MRPS31: variants seen among roughly 807,000 people sequenced by gnomAD.
MRPS31 encodes the protein mitochondrial ribosomal protein S31.
A neutral mutation model predicts 43.1 loss-of-function variants in MRPS31; 32 were observed. The ratio of observed to expected loss-of-function variants is 0.74; its 90% CI spans 0.56 to 1.00. The LOEUF is 1.00. Among genes scored for constraint, MRPS31 ranks in the 50% least tolerant of loss-of-function variants. The probability of loss-of-function intolerance (pLI) is 0.00; values close to 1 mark genes in which losing one functional copy is unlikely to be tolerated. For synonymous variants in MRPS31, 165 were observed against 161.6 expected (o/e 1.02, Z -0.16); for missense variants, 437 against 466.7 (o/e 0.94, Z 0.59).
Position 40,749,237 on chromosome 13 carries a change from C to T in MRPS31, c.859G>A (p.Ala287Thr), listed in dbSNP as rs1448580389. The T allele has an allele frequency of 1.3e-6, 2 of 1,597,948 alleles. No homozygotes were observed. The highest frequency in any genetic ancestry group is 1.7e-6 in the Non-Finnish European group (2 of 1,176,246). ...LWDVEFAKQLATVNEQPLQNG... is the reference protein window; with the variant it reads ...LWDVEFAKQLTTVNEQPLQNG... ...TGAAGGGGTTGTTCATTTACTGTGGCTAACTGCTTAGCAAATTCCACATCC... is the reference window on the plus strand; with the variant it reads ...TGAAGGGGTTGTTCATTTACTGTGGTTAACTGCTTAGCAAATTCCACATCC... Residue 287 changes from alanine to threonine, a missense_variant, in exon 6 of 7, where the codon GCC becomes ACC. Ala to Thr is a moderately conservative substitution (Grantham distance 58). Coordinates refer to ENST00000323563, the MANE Select transcript of MRPS31 (RefSeq NM_005830.4).
chr13:40,767,330 T>C (rs1280819661), intron 1 of MRPS31, among the ~76,000 whole-genome samples: 1 of 152,250 alleles, frequency 6.6e-6, no homozygotes, highest in Non-Finnish European at 1.5e-5. Flanking sequence ...GCTAATTTTG[T>C]ATTTTTAGCA....
Position 40,729,413 on chromosome 13 carries a change from T to A in MRPS31, c.1147A>T (p.Lys383Ter). 1 of 1,571,608 alleles carries A rather than the reference T, an allele frequency of 6.4e-7. No homozygotes were observed. The highest frequency in any genetic ancestry group is 8.7e-7 in the Non-Finnish European group (1 of 1,146,642). ...TTACTTTCTTTTAGAATATCCTTTT[T>A]TTCATTAAAATAATTTCTAAACCAC... ...IEWFRNYFNE[K>*]KDILKESNIQ... Residue 383 changes from lysine (K) to a stop codon, truncating the protein, a stop_gained, in exon 7 of 7, where the codon AAA (lysine) becomes TAA (stop). Coordinates refer to ENST00000323563, the MANE Select transcript of MRPS31 (RefSeq NM_005830.4). LOFTEE classifies it high-confidence loss of function.
chr13:40,730,096 C>G (rs1451778742), intron 6 of MRPS31, among the ~76,000 whole-genome samples: 1 of 152,054 alleles, frequency 6.6e-6, no homozygotes, highest in Non-Finnish European at 1.5e-5. Flanking sequence ...ATTAACTTCT[C>G]TGAGCAGCAG....
chr13:40,747,462 T>C (rs773478615), intron 6 of MRPS31, among the ~76,000 whole-genome samples: 2 of 152,184 alleles, frequency 1.3e-5, no homozygotes, highest in Non-Finnish European at 2.9e-5. Flanking sequence ...TTTGTACGAC[T>C]AAAAAGGCGT....
intron 4 of MRPS31, among the ~76,000 whole-genome samples, chr13:40,756,644 C>A (rs1240657242): frequency 6.6e-6 from 1 of 152,202 alleles, no homozygotes; most frequent in Non-Finnish European, 1.5e-5. Context: ...AGATGTGAAG[C>A]ATGGCCCGTT....
intron 6 of MRPS31, among the ~76,000 whole-genome samples, chr13:40,734,691 A>G (rs1472110133): frequency 6.6e-6 from 1 of 152,124 alleles, no homozygotes; most frequent in Admixed American, 6.5e-5. Context: ...ACTTCAGCCC[A>G]GCAGTTTGAG....
At chr13:40,753,521 C>T (rs1880449028) in intron 5 of MRPS31, among the ~76,000 whole-genome samples, 1 of 152,158 alleles carries the variant, frequency 6.6e-6, no homozygotes, top group African/African-American at 2.4e-5. Flanking sequence ...GTAACCCCCA[C>T]CAGGTTACTT....
At position 40,735,898 on chromosome 13, in the gene MRPS31, C is replaced by T. The variant is rs879306445; in HGVS notation, c.959-6297G>A. Among the ~76,000 whole-genome samples, 799 of 149,176 alleles carry T rather than the reference C, an allele frequency of 5.4e-3. 3 individuals carry two copies. Among genetic ancestry groups the T allele is most frequent in the South Asian group, 0.013 (60 of 4,574 alleles). ...CCTCTCCTCCTCCAAAGGAACGCAG[C>T]TCCTCACCAGCAACGGAACAAAGCT... is the stretch of plus-strand genomic sequence containing the variant. On this transcript the variant is annotated intron_variant, in intron 6 of 6. Transcript: ENST00000323563.
chr13:40,738,952 A>G (rs891096893), intron 6 of MRPS31, among the ~76,000 whole-genome samples: 4 of 152,202 alleles, frequency 2.6e-5, no homozygotes, highest in African/African-American at 7.2e-5. Context: ...ATTAGGCAGT[A>G]GAAAGAAATA....
chr13:40,765,765 T>C (rs1880825661), intron 2 of MRPS31, among the ~76,000 whole-genome samples: 1 of 152,182 alleles, frequency 6.6e-6, no homozygotes, highest in African/African-American at 2.4e-5. Context: ...CAGTGATGAG[T>C]ATCCTAAAGC....
chr13:40,768,140 T>C (rs898775844), intron 1 of MRPS31, among the ~76,000 whole-genome samples: 2 of 152,348 alleles, frequency 1.3e-5, no homozygotes, highest in Middle Eastern at 6.8e-3. Context: ...AAAATTTGTT[T>C]TGGTATTTGA....
At chr13:40,731,594 A>G (rs1242965454) in intron 6 of MRPS31, among the ~76,000 whole-genome samples, 1 of 151,570 alleles carries the variant, frequency 6.6e-6, no homozygotes, top group Non-Finnish European at 1.5e-5. Context: ...AAAAAAAAAG[A>G]AAAAGAAAAA....
At position 40,756,971 on chromosome 13, in the gene MRPS31, A is replaced by G. The variant is rs770060320; in HGVS notation, c.642T>C (p.Ala214=). The G allele has an allele frequency of 1.9e-6, 3 of 1,613,228 alleles. No homozygotes were observed. Among genetic ancestry groups the G allele is most frequent in the African/African-American group, 2.7e-5 (2 of 74,894 alleles). ...CTGGTCTTGAACGAACTCTAGCTGT[A>G]GCAGATCTGGCAACTTTCATATCTG... ...IISDMKVARS[A]TARVRSRPEL... is the part of the protein sequence containing the mutation. Residue 214 remains alanine (A), a synonymous_variant, in exon 4 of 7, where the codon GCT becomes GCC. Transcript: ENST00000323563.
At chr13:40,736,757 G>C (rs902411146) in intron 6 of MRPS31, among the ~76,000 whole-genome samples, 1 of 147,702 alleles carries the variant, frequency 6.8e-6, no homozygotes, top group African/African-American at 2.5e-5. Context: ...CACCAGGCCT[G>C]CCCTAAAAGA....
intron 6 of MRPS31, among the ~76,000 whole-genome samples, chr13:40,736,370 CA>C (rs1293941126): frequency 6.6e-6 from 1 of 151,254 alleles, no homozygotes; most frequent in Non-Finnish European, 1.5e-5. Context: ...GGATATTATC[CA>C]GGAGAATTTA....
At position 40,771,024 on chromosome 13, in the gene MRPS31, T is replaced by C. The variant is rs1343907371; in HGVS notation, c.113A>G (p.His38Arg). The change falls in exon 1 of 7, where the codon CAC becomes CGC. Residue 38 changes from histidine to arginine, a missense_variant. By Grantham distance (29) the His-to-Arg change is conservative (BLOSUM62 0). Transcript: ENST00000323563. ...TGAACTGCGGTACCTGACTGTTCCG[T>C]GCCGAACAGTGAGTAGCATAATCGC... ...AAAIMLLTVR[H>R]GTVRYRSSAL... 4 of 1,614,144 alleles carry C rather than the reference T, an allele frequency of 2.5e-6. No individual in the cohort carries two copies. The highest frequency in any genetic ancestry group is 3.4e-6 in the Non-Finnish European group (4 of 1,180,026).
chr13:40,745,133 T>A (rs1246342078), intron 6 of MRPS31, among the ~76,000 whole-genome samples: 9 of 140,378 alleles, frequency 6.4e-5, no homozygotes, highest in African/African-American at 8.1e-5. Context: ...TGTTGACCAG[T>A]CTGGTCTCAA....
intron 6 of MRPS31, among the ~76,000 whole-genome samples, chr13:40,741,203 T>C (rs960110058): frequency 2.2e-4 from 33 of 152,210 alleles, no homozygotes; most frequent in African/African-American, 6.5e-4. Flanking sequence ...TAATAGGTGA[T>C]AAAAAGAACT....
At chr13:40,751,211 C>A (rs1003346347) in intron 5 of MRPS31, among the ~76,000 whole-genome samples, 3 of 152,140 alleles carry the variant, frequency 2.0e-5, no homozygotes, top group African/African-American at 7.2e-5. Flanking sequence ...GCAATCACAT[C>A]AAAAATAACT....
Sources: gnomAD v4.1 joint callset for allele counts (sites outside exome capture counted in the v4.1 genomes callset) on GRCh38, gnomAD v4.1.1 for gene constraint, MANE v1.5 for transcripts, NCBI Gene and HGNC (gene_info 2026-07-23, HGNC 2026-07-21) for gene names.